AKAP12: variants seen among roughly 807,000 people sequenced by gnomAD.
AKAP12 encodes the protein A-kinase anchor protein 12.
In AKAP12, 32 loss-of-function variants were observed where a neutral mutation model predicts 79.9. The ratio of observed to expected loss-of-function variants is 0.40; its 90% CI spans 0.30 to 0.54. The LOEUF is 0.54. Among genes scored for constraint, AKAP12 ranks in the 20% least tolerant of loss-of-function variants. The pLI is 0.48. For missense variants in AKAP12, 2,074 were observed against 2,177.0 expected, an observed-to-expected ratio of 0.95 and a Z score of 0.94; for synonymous variants, 808 against 857.0, an observed-to-expected ratio of 0.94 and a Z score of 1.00.
At chr6:151,251,651 C>G (rs912869526) in intron 2 of AKAP12, among the ~76,000 whole-genome samples, 2 of 152,128 alleles carry the variant, frequency 1.3e-5, no homozygotes, top group Non-Finnish European at 2.9e-5. Flanking sequence ...ACTAAGGGTA[C>G]CTTTAGAACA....
At chr6:151,267,294 T>C (rs577278840) in intron 2 of AKAP12, among the ~76,000 whole-genome samples, 48 of 152,356 alleles carry the variant, frequency 3.2e-4, no homozygotes, top group African/African-American at 1.1e-3. Flanking sequence ...GCATTTTGAA[T>C]AGACTCTTAT....
intron 2 of AKAP12, among the ~76,000 whole-genome samples, chr6:151,290,104 T>C (rs1437255098): frequency 6.6e-6 from 1 of 152,230 alleles, no homozygotes; most frequent in African/African-American, 2.4e-5. Flanking sequence ...AACACAAATG[T>C]GTTCTTAGAA....
chr6:151,296,141 C>A (rs1219432460), intron 2 of AKAP12, among the ~76,000 whole-genome samples: 1 of 152,178 alleles, frequency 6.6e-6, no homozygotes, highest in Non-Finnish European at 1.5e-5. Context: ...GATCTGCTGC[C>A]TCTTCCCTGA....
chr6:151,249,428 C>T (rs1797134313), intron 2 of AKAP12, among the ~76,000 whole-genome samples: 1 of 152,208 alleles, frequency 6.6e-6, no homozygotes, highest in Non-Finnish European at 1.5e-5. Context: ...GATCCTCTTG[C>T]CTTGGCCTCC....
chr6:151,241,192 G>C (rs1340578208), intron 2 of AKAP12, among the ~76,000 whole-genome samples: 1 of 152,220 alleles, frequency 6.6e-6, no homozygotes, highest in South Asian at 2.1e-4. Context: ...GCCACCCTCG[G>C]GTTCCCCGTC....
At chr6:151,265,040 A>C (rs1562712741) in intron 2 of AKAP12, among the ~76,000 whole-genome samples, 1 of 151,516 alleles carries the variant, frequency 6.6e-6, no homozygotes, top group African/African-American at 2.4e-5. Context: ...AATCCCAGCT[A>C]CTCGAGAGGC....
chr6:151,249,870 T>C (rs1797141889), intron 2 of AKAP12, among the ~76,000 whole-genome samples: 1 of 152,234 alleles, frequency 6.6e-6, no homozygotes, highest in Admixed American at 6.5e-5. Context: ...ATATTCTACA[T>C]CTCAAGTGTT....
chr6:151,309,369 G>A lies in AKAP12; in HGVS notation c.319+3466G>A, dbSNP rs187414033. ...GTCCCTGGGAGGACTGGCCCACAGT[G>A]GAATTTGGTCCTGCTGTAGATAAAA... On this transcript the variant is annotated intron_variant, in intron 3 of 4. Coordinates refer to ENST00000402676, the MANE Select transcript of AKAP12 (RefSeq NM_005100.4). 8.5e-5 allele frequency among the ~76,000 whole-genome samples: 13 copies of A among 152,294 alleles called. No homozygotes were observed. The East Asian group carries it at 2.3e-3, about 27-fold the overall frequency.
At chr6:151,344,723 G>A (rs934519661) in intron 3 of AKAP12, among the ~76,000 whole-genome samples, 12 of 151,954 alleles carry the variant, frequency 7.9e-5, no homozygotes, top group Non-Finnish European at 1.5e-4. Context: ...TAGTAGAGAC[G>A]GGGTTTCACC....
At chr6:151,347,917 A>G (rs1465253701) in intron 3 of AKAP12, among the ~76,000 whole-genome samples, 1 of 151,940 alleles carries the variant, frequency 6.6e-6, no homozygotes, top group Non-Finnish European at 1.5e-5. Context: ...CACGCCTGTA[A>G]TCCCAGCACT....
Position 151,338,747 on chromosome 6 carries a change from G to A in AKAP12, c.320-9964G>A, listed in dbSNP as rs60614192. Reference sequence around the variant, plus strand: ...ATTACAGGCGTGAGCCGCTGCACCCGGCCATAGGTTACTCATTCTAAGCCA... The same window carrying A: ...ATTACAGGCGTGAGCCGCTGCACCCAGCCATAGGTTACTCATTCTAAGCCA... On this transcript the variant is annotated intron_variant, in intron 3 of 4. Transcript: ENST00000402676. 6.9e-3 allele frequency among the ~76,000 whole-genome samples: 1,051 copies of A among 152,240 alleles called. 13 individuals are homozygous for A. The highest frequency in any genetic ancestry group is 0.024 in the Middle Eastern group (7 of 294).
chr6:151,316,686 A>G lies in AKAP12; in HGVS notation c.319+10783A>G, dbSNP rs186464427. Among the ~76,000 whole-genome samples, 9 of 152,320 alleles carry G rather than the reference A, an allele frequency of 5.9e-5. No homozygotes were observed. The East Asian group carries it at 1.3e-3, about 23-fold the overall frequency. On this transcript the variant is annotated intron_variant, in intron 3 of 4. Transcript: ENST00000402676. ...CGCTCTGTCACCCAGGCTGGAGTGCAGTGGCGCGATCTCGGCTCGCTGCAA... is the reference window on the plus strand; with the variant it reads ...CGCTCTGTCACCCAGGCTGGAGTGCGGTGGCGCGATCTCGGCTCGCTGCAA...
chr6:151,290,216 T>C (rs1029835165), intron 2 of AKAP12, among the ~76,000 whole-genome samples: 7 of 152,092 alleles, frequency 4.6e-5, no homozygotes, highest in Non-Finnish European at 1.0e-4. Context: ...GGTAGCTTGA[T>C]TGGGGCCATT....
At position 151,349,635 on chromosome 6, in the gene AKAP12, T is replaced by C. The variant is rs749345358; in HGVS notation, c.1244T>C (p.Val415Ala). Residue 415 changes from valine to alanine, a missense_variant, in exon 4 of 5, where the codon GTT (valine) becomes GCT (alanine). This residue lies in a region of AKAP12 where 1,428 missense variants were observed against 1,451.0 expected (regional missense o/e 0.98). Coordinates refer to ENST00000402676, the MANE Select transcript of AKAP12 (RefSeq NM_005100.4). ...AAAATAGAAGTCCACCAAGAAGAGG[T>C]TGTGGCCGAAGTCCACGTCAGCACC... is the stretch of plus-strand genomic sequence containing the variant. ...DEKIEVHQEE[V>A]VAEVHVSTVE... 13 of 1,608,218 alleles carry C rather than the reference T, an allele frequency of 8.1e-6. No homozygotes were observed. Among genetic ancestry groups the C allele is most frequent in the South Asian group, 5.5e-5 (5 of 90,410 alleles).
At chr6:151,341,687 G>A (rs1226969071) in intron 3 of AKAP12, 2 of 1,222,022 alleles carry the variant, frequency 1.6e-6, no homozygotes, top group Non-Finnish European at 2.1e-6. Context: ...AAACTCTGCA[G>A]TGAGTAGCAC....
intron 2 of AKAP12, among the ~76,000 whole-genome samples, chr6:151,272,779 G>A (rs554916867): frequency 2.6e-5 from 4 of 152,148 alleles, no homozygotes; most frequent in African/African-American, 4.8e-5. Context: ...TGATCCACCC[G>A]CCTTGGCCTC....
chr6:151,354,605 C>T (rs1388974190), intron 4 of AKAP12, among the ~76,000 whole-genome samples: 1 of 152,138 alleles, frequency 6.6e-6, no homozygotes, highest in East Asian at 1.9e-4. Flanking sequence ...ATCTCCTGAC[C>T]TCGTGATCCG....
intron 3 of AKAP12, among the ~76,000 whole-genome samples, chr6:151,313,955 G>A (rs1034089482): frequency 1.3e-5 from 2 of 151,984 alleles, no homozygotes; most frequent in Non-Finnish European, 2.9e-5. Flanking sequence ...ACACCCAAGC[G>A]ACCTGAAGCA....
intron 3 of AKAP12, chr6:151,341,839 C>A: frequency 7.9e-7 from 1 of 1,267,608 alleles, no homozygotes; most frequent in Non-Finnish European, 1.0e-6. Flanking sequence ...TTGGGAAAGC[C>A]TCTCTACTGG....
Sources: gnomAD v4.1 joint callset for allele counts (sites outside exome capture counted in the v4.1 genomes callset) on GRCh38, gnomAD v4.1.1 for gene constraint, gnomAD v4.1.1 regional missense constraint, MANE v1.5 for transcripts, NCBI Gene and HGNC (gene_info 2026-07-23, HGNC 2026-07-21) for gene names.